Variants in MTCH1 observed in about 807,000 individuals in gnomAD.
MTCH1 encodes the protein mitochondrial carrier 1, also known as mitochondrial carrier homolog 1.
Under a neutral mutation model 49.3 loss-of-function variants are expected in MTCH1, and 23 were observed. The ratio of observed to expected loss-of-function variants is 0.47; its 90% CI spans 0.34 to 0.66. The LOEUF (loss-of-function observed/expected upper bound fraction) is 0.66, where lower values mean the gene tolerates loss of function less well. Among genes scored for constraint, MTCH1 ranks in the 30% least tolerant of loss-of-function variants. The probability of loss-of-function intolerance (pLI) is 0.01; values close to 1 mark genes in which losing one functional copy is unlikely to be tolerated. For missense variants in MTCH1, 397 were observed against 532.1 expected (o/e 0.75, Z 2.50); for synonymous variants, 229 against 215.2 (o/e 1.06, Z -0.56).
At chr6:36,969,983 A>G in intron 11 of MTCH1, 56 bp downstream of exon 11, 3 of 1,601,302 alleles carry the variant, frequency 1.9e-6, no homozygotes, top group Non-Finnish European at 2.6e-6. Context: ...AAACCATTTC[A>G]GCTGAAGGAT....
chr6:36,975,893 G>A (rs1231370072), intron 6 of MTCH1, among the ~76,000 whole-genome samples, 176 bp from the exon 7 acceptor site: 2 of 152,176 alleles, frequency 1.3e-5, no homozygotes, highest in Non-Finnish European at 1.5e-5. Flanking sequence ...TGTTCAGGGT[G>A]AGGAGGAGTT....
intron 7 of MTCH1, among the ~76,000 whole-genome samples, chr6:36,974,509 C>T (rs1048299832): frequency 3.3e-5 from 5 of 152,216 alleles, no homozygotes; most frequent in African/African-American, 9.6e-5. Flanking sequence ...TAACTGGGAT[C>T]ACAGATGCAA....
chr6:36,977,520 A>G lies in MTCH1; in HGVS notation c.649+114T>C. ...CCAGTAGAATACCCCCAACCCCACTACCACTTCCCAACAGGTCTACGGCTG... is the reference window on the plus strand; with the variant it reads ...CCAGTAGAATACCCCCAACCCCACTGCCACTTCCCAACAGGTCTACGGCTG... On this transcript the variant is annotated intron_variant, in intron 5 of 11. Coordinates refer to ENST00000373627, the MANE Select transcript of MTCH1 (RefSeq NM_001271641.2). This position sits in a 1 kb window ranked among gnomAD's most constrained non-coding sequence, Gnocchi z 5.4. The G allele has an allele frequency of 2.6e-6, 2 of 759,880 alleles. No individual in the cohort carries two copies. Among genetic ancestry groups the G allele is most frequent in the Non-Finnish European group, 4.4e-6 (2 of 454,478 alleles). The allele number at this position is 759,880 out of a possible 1,614,324, so 47.1% of individuals were successfully genotyped here.
intron 2 of MTCH1, among the ~76,000 whole-genome samples, chr6:36,980,027 T>C (rs539354352): frequency 3.3e-5 from 5 of 152,308 alleles, no homozygotes; most frequent in East Asian, 3.9e-4. Context: ...GAGAATGTCA[T>C]GACAGCTGCA....
Position 36,981,592 on chromosome 6 carries a change from G to A in MTCH1, c.402C>T (p.Thr134=), listed in dbSNP as rs758723387. The change falls in exon 2 of 12, where the codon ACC becomes ACT. Residue 134 remains threonine (T), a synonymous_variant. Transcript: ENST00000373627. ...CTGCTTGGGAGGCACACTCACCGTA[G>A]GTGAAGAAGCTCGGCAGATAGAGGA... ...RKVLYLPSFF[T]YAKYIVQVDG... is the part of the protein sequence containing the mutation. 4.3e-6 allele frequency: 7 copies of A among 1,613,954 alleles called. No individual in the cohort carries two copies. Among genetic ancestry groups the A allele is most frequent in the Non-Finnish European group, 5.9e-6 (7 of 1,179,956 alleles).
chr6:36,971,588 G>A (rs576015400), intron 8 of MTCH1, among the ~76,000 whole-genome samples: 6 of 151,962 alleles, frequency 3.9e-5, no homozygotes, highest in East Asian at 3.9e-4. Flanking sequence ...TGCTTACATC[G>A]AAAGGCCAGT....
intron 1 of MTCH1, among the ~76,000 whole-genome samples, chr6:36,984,767 A>G (rs1401488409): frequency 6.6e-6 from 1 of 151,916 alleles, no homozygotes; most frequent in African/African-American, 2.4e-5. Flanking sequence ...GCCACCACCA[A>G]ATCTGCCAAG....
chr6:36,973,900 T>C (rs1041319838), intron 7 of MTCH1, among the ~76,000 whole-genome samples: 7 of 152,236 alleles, frequency 4.6e-5, no homozygotes, highest in Non-Finnish European at 1.0e-4. Context: ...CCCTGCACTT[T>C]GTCACCTCAC....
chr6:36,977,167 G>A lies in MTCH1; in HGVS notation c.701+32C>T, dbSNP rs1763909329. ...CCTGGCCGACTCTGAAAGGGTAACA[G>A]GGCCACTCTGCCAGTCCCAAGAGTT... On this transcript the variant is annotated intron_variant, in intron 6 of 11. Transcript: ENST00000373627. This position sits in a 1 kb window ranked among gnomAD's most constrained non-coding sequence, Gnocchi z 5.4. 1 of 1,611,750 alleles carries A rather than the reference G, an allele frequency of 6.2e-7. No individual in the cohort carries two copies. The highest frequency in any genetic ancestry group is 1.1e-5 in the South Asian group (1 of 91,054).
intron 1 of MTCH1, among the ~76,000 whole-genome samples, chr6:36,983,964 C>A (rs906626432): frequency 6.6e-6 from 1 of 152,218 alleles, no homozygotes; most frequent in Non-Finnish European, 1.5e-5. Flanking sequence ...TGCCCACCAT[C>A]TAGTTCTTCT....
In MTCH1 at chr6:36,972,902, C is replaced by A; in HGVS notation, c.762-106G>T. 8.6e-7 allele frequency: 1 copy of A among 1,160,392 alleles called. No homozygotes were observed. Among genetic ancestry groups the A allele is most frequent in the Admixed American group, 2.3e-5 (1 of 43,576 alleles). The allele number at this position is 1,160,392 out of a possible 1,614,324, so 71.9% of individuals were successfully genotyped here. ...GGATGTTCCGAGCTCAAAATCTTAG[C>A]ATATCCAATGGCACAGCCTTAGAAA... On this transcript the variant is annotated intron_variant, in intron 7 of 11. Coordinates refer to ENST00000373627, the MANE Select transcript of MTCH1 (RefSeq NM_001271641.2). This position sits in a 1 kb window ranked among gnomAD's most constrained non-coding sequence, Gnocchi z 4.1.
chr6:36,970,954 C>G (rs1763664257), intron 8 of MTCH1: 1 of 542,434 alleles, frequency 1.8e-6, no homozygotes, highest in Admixed American at 3.1e-5. Flanking sequence ...GGACTGTGAG[C>G]CTCAAGGGCT....
intron 7 of MTCH1, among the ~76,000 whole-genome samples, chr6:36,973,484 AT>A (rs201224650): frequency 1.3e-5 from 2 of 150,918 alleles, no homozygotes; most frequent in African/African-American, 4.9e-5. Flanking sequence ...TTGTTTTTGA[AT>A]TAAAAAAAAA....
At chr6:36,984,498 T>C (rs1561912676) in intron 1 of MTCH1, among the ~76,000 whole-genome samples, 2 of 152,184 alleles carry the variant, frequency 1.3e-5, no homozygotes, top group East Asian at 3.8e-4. Flanking sequence ...CTCATTCCAG[T>C]TGTATTTTGC....
rs565215795 is a variant in MTCH1, at chr6:36,982,757, T to C, written c.322-1085A>G. Among the ~76,000 whole-genome samples, 2 of 152,354 alleles carry C rather than the reference T, an allele frequency of 1.3e-5. No individual in the cohort carries two copies. Among genetic ancestry groups the C allele is most frequent in the East Asian group, 3.9e-4 (2 of 5,192 alleles). On this transcript the variant is annotated intron_variant, in intron 1 of 11. Coordinates refer to ENST00000373627, the MANE Select transcript of MTCH1 (RefSeq NM_001271641.2). This position sits in a 1 kb window ranked among gnomAD's most constrained non-coding sequence, Gnocchi z 4.1. ...ATCCATGTGAGGAGCAGGAAGTCTC[T>C]GTCGAGGGGTGAGAGCCCCTGCTGC...
chr6:36,986,194 CT>C lies in MTCH1; in HGVS notation c.-22del. On this transcript the variant is annotated 5_prime_UTR_variant, in exon 1 of 12. Coordinates refer to ENST00000373627, the MANE Select transcript of MTCH1 (RefSeq NM_001271641.2). ...CCCATGGCGCCCGGCGGCGAGGTCA[CT>C]CCCCGTCACGTGACGGGGCCACGCC... 7.1e-7 allele frequency: 1 copy of C among 1,417,276 alleles called. No homozygotes were observed. The highest frequency in any genetic ancestry group is 3.1e-5 in the East Asian group (1 of 31,954). 87.8% of individuals were successfully genotyped at this position (1,417,276 alleles called of 1,614,324 possible).
intron 10 of MTCH1, 44 bp downstream of exon 10, chr6:36,970,362 C>T: frequency 6.2e-7 from 1 of 1,610,366 alleles, no homozygotes; most frequent in Non-Finnish European, 8.5e-7. Context: ...CCCCACCCCA[C>T]AGCCTTGGTA....
upstream of MTCH1, chr6:36,986,220 C>T: frequency 7.2e-7 from 1 of 1,383,508 alleles, no homozygotes; most frequent in Non-Finnish European, 9.3e-7. Context: ...GGGGCCACGC[C>T]CCCTCACCGG....
At chr6:36,969,995 T>C in intron 11 of MTCH1, 44 bp downstream of exon 11, 1 of 1,609,104 alleles carries the variant, frequency 6.2e-7, no homozygotes. Flanking sequence ...CTGAAGGATG[T>C]AGCAAAGAAC....
Sources: allele counts gnomAD v4.1 joint callset (sites outside exome capture counted in the v4.1 genomes callset), GRCh38; gene constraint gnomAD v4.1.1; non-coding constraint Gnocchi (gnomAD v3.1); transcripts MANE v1.5; gene names NCBI Gene and HGNC (gene_info 2026-07-23, HGNC 2026-07-21).